The following GTF2I variants were observed in gnomAD, a reference collection of about 807,000 sequenced individuals.
The protein encoded by GTF2I is general transcription factor II-I.
In GTF2I, 12 loss-of-function variants were observed where a neutral mutation model predicts 67.6. The ratio of observed to expected loss-of-function variants is 0.18; its 90% CI spans 0.11 to 0.29. GTF2I has a LOEUF of 0.29. Ranked by LOEUF, GTF2I falls within the 10% of genes least tolerant of loss-of-function variation. The probability of loss-of-function intolerance (pLI) is 1.00; values close to 1 mark genes in which losing one functional copy is unlikely to be tolerated. For missense variants in GTF2I, 271 were observed against 580.1 expected, an observed-to-expected ratio of 0.47 and a Z score of 5.47; for synonymous variants, 149 against 197.0, an observed-to-expected ratio of 0.76 and a Z score of 2.04.
intron 1 of GTF2I, among the ~76,000 whole-genome samples, chr7:74,666,840 C>T (rs1430186754): frequency 1.3e-5 from 2 of 149,654 alleles, no homozygotes; most frequent in Non-Finnish European, 3.0e-5. Context: ...ATTAGCCAGG[C>T]GTGATGGCGG....
intron 3 of GTF2I, among the ~76,000 whole-genome samples, chr7:74,694,314 C>A (rs782014675): frequency 1.3e-5 from 2 of 152,044 alleles, no homozygotes; most frequent in Non-Finnish European, 2.9e-5. Context: ...CAGCTGGGGG[C>A]GGTGGCTCAC....
In GTF2I at chr7:74,700,416, A is replaced by G; in HGVS notation, c.543A>G (p.Ser181=). ...KWILENKAGI[S]FIIKRPFLEP... Reference sequence around the variant, plus strand: ...TTTTGGAGAACAAAGCAGGGATTTCATTCATCATTAAGAGGTGAAGTGCTT... The same window carrying G: ...TTTTGGAGAACAAAGCAGGGATTTCGTTCATCATTAAGAGGTGAAGTGCTT... Residue 181 remains serine (S), a synonymous_variant, in exon 5 of 35, where the codon TCA becomes TCG. Coordinates refer to ENST00000573035, the MANE Select transcript of GTF2I (RefSeq NM_032999.4). 1.2e-6 allele frequency: 2 copies of G among 1,614,180 alleles called. No homozygotes were observed. The highest frequency in any genetic ancestry group is 1.7e-6 in the Non-Finnish European group (2 of 1,180,032).
At chr7:74,669,995 G>A (rs782115766) in intron 1 of GTF2I, among the ~76,000 whole-genome samples, 1 of 152,090 alleles carries the variant, frequency 6.6e-6, no homozygotes, top group Non-Finnish European at 1.5e-5. Flanking sequence ...TCAGAAAATA[G>A]GTTATTTTAT....
At chr7:74,733,028 G>T (rs1379833346) in intron 15 of GTF2I, among the ~76,000 whole-genome samples, 1 of 147,486 alleles carries the variant, frequency 6.8e-6, no homozygotes, top group African/African-American at 2.5e-5. Context: ...GTGCAGTGTC[G>T]CAATCTCAGC....
At chr7:74,726,898 CAATAGATA>C (rs1273711363) in intron 12 of GTF2I, 10 of 115,160 alleles carry the variant, frequency 8.7e-5, no homozygotes, top group Non-Finnish European at 1.7e-4. Flanking sequence ...GAGACCCTGC[CAATAGATA>C]GATAGATAGA....
At chr7:74,726,834 C>CAGATAGATAGATAGATAGATAGAT (rs57656763) in intron 12 of GTF2I, 1 of 137,408 alleles carries the variant, frequency 7.3e-6, no homozygotes, top group Non-Finnish European at 1.6e-5. Context: ...ACCCTCCCGA[C>CAGATAGATAGATAGATAGATAGAT]AGATAGATAG....
intron 1 of GTF2I, among the ~76,000 whole-genome samples, chr7:74,660,445 G>A (rs1330157015): frequency 2.0e-5 from 3 of 151,868 alleles, no homozygotes; most frequent in Admixed American, 6.6e-5. Flanking sequence ...GCCTGCCTCG[G>A]TCTCCGAAAG....
intron 1 of GTF2I, among the ~76,000 whole-genome samples, chr7:74,667,940 T>G (rs1249349272): frequency 1.3e-5 from 2 of 151,394 alleles, no homozygotes; most frequent in Non-Finnish European, 2.9e-5. Flanking sequence ...TTCAAGTGAT[T>G]CTTCTGCCTC....
At chr7:74,684,722 A>C (rs1554394985) in intron 1 of GTF2I, 1 of 152,256 alleles carries the variant, frequency 6.6e-6, no homozygotes. Flanking sequence ...TCCATCCTGC[A>C]GGGCTCGCTG....
At chr7:74,662,510 C>CTTTT (rs1804602026) in intron 1 of GTF2I, among the ~76,000 whole-genome samples, 1 of 41,122 alleles carries the variant, frequency 2.4e-5, no homozygotes, top group Non-Finnish European at 5.5e-5. Flanking sequence ...GCACCTGGAC[C>CTTTT]CTTTTTTTTT....
chr7:74,719,047 T>C, intron 12 of GTF2I, 106 bp downstream of exon 12: 1 of 622,682 alleles, frequency 1.6e-6, no homozygotes, highest in Non-Finnish European at 2.8e-6. Flanking sequence ...AAAGGAGACT[T>C]GTGGGACGAA....
intron 10 of GTF2I, among the ~76,000 whole-genome samples, chr7:74,716,101 A>G (rs1792229265): frequency 6.6e-6 from 1 of 152,024 alleles, no homozygotes; most frequent in African/African-American, 2.4e-5. Context: ...GTGTTTTTCA[A>G]TCTTTTCCAT....
intron 9 of GTF2I, 51 bp from the exon 10 acceptor site, chr7:74,714,806 A>G: frequency 7.9e-7 from 1 of 1,262,832 alleles, no homozygotes; most frequent in Non-Finnish European, 1.1e-6. Flanking sequence ...GTCACCCCAC[A>G]TTTTTTTTTG....
chr7:74,661,089 CT>C (rs1804442695), intron 1 of GTF2I, among the ~76,000 whole-genome samples: 1 of 152,164 alleles, frequency 6.6e-6, no homozygotes, highest in African/African-American at 2.4e-5. Context: ...GTTCTGTACT[CT>C]TGCTTGCCTA....
chr7:74,674,659 C>T (rs1805738375), intron 1 of GTF2I, among the ~76,000 whole-genome samples: 1 of 152,048 alleles, frequency 6.6e-6, no homozygotes, highest in Non-Finnish European at 1.5e-5. Flanking sequence ...CTGCCTCAGC[C>T]TCCCGGGTAG....
intron 1 of GTF2I, among the ~76,000 whole-genome samples, chr7:74,660,994 A>G (rs1245708424): frequency 3.3e-5 from 5 of 151,928 alleles, no homozygotes; most frequent in Non-Finnish European, 5.9e-5. Context: ...AGCGCTTTGG[A>G]TGTACAGTAT....
intron 3 of GTF2I, among the ~76,000 whole-genome samples, chr7:74,692,123 G>T (rs1237599455): frequency 6.0e-5 from 9 of 149,230 alleles, no homozygotes; most frequent in Non-Finnish European, 1.2e-4. Context: ...CACCAGGCTG[G>T]AGTGCAGTGG....
At chr7:74,705,697 G>A (rs782420843) in intron 7 of GTF2I, among the ~76,000 whole-genome samples, 10 of 151,950 alleles carry the variant, frequency 6.6e-5, no homozygotes, top group Non-Finnish European at 1.3e-4. Context: ...AAATAGCAGG[G>A]ACTACAAGCA....
At chr7:74,721,383 T>A (rs1554404585) in intron 12 of GTF2I, among the ~76,000 whole-genome samples, 2 of 152,222 alleles carry the variant, frequency 1.3e-5, no homozygotes, top group African/African-American at 4.8e-5. Flanking sequence ...TAAGCCTGAT[T>A]TAATGTTCAC....
Sources: allele counts gnomAD v4.1 joint callset (sites outside exome capture counted in the v4.1 genomes callset), GRCh38; gene constraint gnomAD v4.1.1; transcripts MANE v1.5; gene names NCBI Gene and HGNC (gene_info 2026-07-23, HGNC 2026-07-21).